The following LRRIQ1 variants were observed in gnomAD, a reference collection of about 807,000 sequenced individuals.
LRRIQ1 encodes the protein leucine rich repeats and IQ motif containing 1.
A neutral mutation model predicts 211.9 loss-of-function variants in LRRIQ1; 210 were observed. The ratio of observed to expected loss-of-function variants is 0.99; its 90% CI spans 0.89 to 1.11. The LOEUF is 1.11. LRRIQ1 is among the 50% of genes most tolerant of loss of function. LRRIQ1 has a pLI of 0.00. For synonymous variants in LRRIQ1, 699 were observed against 650.1 expected (o/e 1.08, Z -1.14); for missense variants, 2,136 against 1,939.5 (o/e 1.10, Z -1.90).
chr12:85,121,872 A>AAAGGG lies in LRRIQ1; in HGVS notation c.3554_3557+1dup. 2 of 1,600,438 alleles carry AAAGGG rather than the reference A, an allele frequency of 1.2e-6. No homozygotes were observed. The highest frequency in any genetic ancestry group is 1.7e-6 in the Non-Finnish European group (2 of 1,173,788). ...GCTAATTGAAAATTATATAACTGGA[A>AAAGGG]AAGGGTAAGATTGTGATCTTCCCAT... On this transcript the variant is annotated frameshift_variant, in exon 16 of 27. Transcript: ENST00000393217. LOFTEE classifies it high-confidence loss of function.
intron 26 of LRRIQ1, among the ~76,000 whole-genome samples, chr12:85,242,499 G>A (rs6539885): frequency 0.16 from 24,042 of 151,778 alleles, 4,429 homozygotes; most frequent in African/African-American, 0.45. Flanking sequence ...AGGGACATGA[G>A]CATCCATGGA....
chr12:85,175,196 G>A (rs1419783241), intron 24 of LRRIQ1, among the ~76,000 whole-genome samples: 1 of 152,064 alleles, frequency 6.6e-6, no homozygotes, highest in Non-Finnish European at 1.5e-5. Flanking sequence ...CACTGAAGTG[G>A]TAAACCAATA....
chr12:85,104,860 A>G (rs1886656655), intron 14 of LRRIQ1, among the ~76,000 whole-genome samples: 2 of 152,048 alleles, frequency 1.3e-5, no homozygotes, highest in Non-Finnish European at 1.5e-5. Flanking sequence ...AGAAACTGAC[A>G]TACTATTTTC....
At chr12:85,071,255 C>T (rs1883053836) in intron 10 of LRRIQ1, among the ~76,000 whole-genome samples, 1 of 151,838 alleles carries the variant, frequency 6.6e-6, no homozygotes. Context: ...TATATATGCA[C>T]GTATCTAAGG....
Position 85,056,378 on chromosome 12 carries a change from G to T in LRRIQ1, c.1585G>T (p.Glu529Ter). Residue 529 changes from glutamate to a stop codon, truncating the protein, a stop_gained, in exon 8 of 27, where the codon GAA becomes TAA. Coordinates refer to ENST00000393217, the MANE Select transcript of LRRIQ1 (RefSeq NM_001079910.2). LOFTEE classifies it high-confidence loss of function. ...TCTGAAAGAACAGTTTCCATTGCAA[G>T]AATTAAAGTCTGATGCACAAAAAGA... The part of the protein sequence containing the change: ...GNLKEQFPLQ[E>*]LKSDAQKEEK... 6.3e-7 allele frequency: 1 copy of T among 1,590,174 alleles called. No homozygotes were observed. Among genetic ancestry groups the T allele is most frequent in the Non-Finnish European group, 8.5e-7 (1 of 1,173,730 alleles).
rs576225670 is a variant in LRRIQ1 at position 85,085,059 on chromosome 12, A to G, written c.2887+11961A>G. Among the ~76,000 whole-genome samples, 3 of 152,264 alleles carry G rather than the reference A, an allele frequency of 2.0e-5. No individual in the cohort carries two copies. The South Asian group carries it at 6.2e-4, about 32-fold the overall frequency. On this transcript the variant is annotated intron_variant, in intron 11 of 26. Transcript: ENST00000393217. The stretch of plus-strand genomic sequence containing the variant: ...TGGTTGTAACATTTATTCTCAGACA[A>G]TTTTCCTACAGATAATTTACTAAGA...
the LRRIQ1 span, among the ~76,000 whole-genome samples, chr12:85,272,257 A>G: frequency 1.3e-5 from 2 of 152,220 alleles, no homozygotes; most frequent in African/African-American, 4.8e-5. Flanking sequence ...TAAGCTAAAT[A>G]TTCAAAGTTT....
intron 25 of LRRIQ1, among the ~76,000 whole-genome samples, 157 bp downstream of exon 25, chr12:85,229,806 T>G (rs1344034215): frequency 6.6e-6 from 1 of 152,194 alleles, no homozygotes; most frequent in African/African-American, 2.4e-5. Context: ...AGAATAGATT[T>G]AATTACTCCT....
intron 24 of LRRIQ1, among the ~76,000 whole-genome samples, chr12:85,180,990 A>G (rs1039919614): frequency 5.3e-5 from 8 of 151,854 alleles, no homozygotes; most frequent in African/African-American, 1.4e-4. Context: ...GATCTATTCT[A>G]CTCTAAATTT....
chr12:85,118,129 T>C (rs2136399013), intron 15 of LRRIQ1, among the ~76,000 whole-genome samples: 1 of 152,276 alleles, frequency 6.6e-6, no homozygotes, highest in Admixed American at 6.5e-5. Flanking sequence ...AACATAACAT[T>C]CTGCCTTTGA....
intron 11 of LRRIQ1, among the ~76,000 whole-genome samples, chr12:85,092,844 G>T (rs1240926731): frequency 6.6e-6 from 1 of 152,198 alleles, no homozygotes; most frequent in East Asian, 1.9e-4. Flanking sequence ...CTAAAGCAAA[G>T]AAGTCCTTTG....
chr12:85,113,791 AT>A (rs1887356367), intron 15 of LRRIQ1, among the ~76,000 whole-genome samples: 8 of 152,192 alleles, frequency 5.3e-5, no homozygotes, highest in Admixed American at 1.3e-4. Flanking sequence ...TGTAGTATTT[AT>A]CACATTCCCC....
intron 19 of LRRIQ1, 143 bp from the exon 20 acceptor site, chr12:85,152,137 C>T: frequency 1.6e-6 from 1 of 609,186 alleles, no homozygotes; most frequent in Non-Finnish European, 2.7e-6. Context: ...TGAATATCAT[C>T]TCACAATAGT....
At chr12:85,091,002 A>G (rs544035135) in intron 11 of LRRIQ1, among the ~76,000 whole-genome samples, 3 of 152,072 alleles carry the variant, frequency 2.0e-5, no homozygotes, top group Non-Finnish European at 2.9e-5. Flanking sequence ...TGATAGCTTG[A>G]TGCTGTCTTT....
intron 24 of LRRIQ1, among the ~76,000 whole-genome samples, chr12:85,171,478 C>T (rs926334903): frequency 6.6e-6 from 1 of 151,944 alleles, no homozygotes; most frequent in African/African-American, 2.4e-5. Context: ...TTGCTAAAAT[C>T]GAAGACAAAG....
In LRRIQ1 at chr12:85,244,756, A is replaced by G; in HGVS notation, c.5017-33A>G. On this transcript the variant is annotated intron_variant, in intron 26 of 26. Coordinates refer to ENST00000393217, the MANE Select transcript of LRRIQ1 (RefSeq NM_001079910.2). Reference sequence around the variant, plus strand: ...TTCAGAAAATGCCATATTTTGTTTCATGATTGTATACATTCTCTTCCATTG... The same window carrying G: ...TTCAGAAAATGCCATATTTTGTTTCGTGATTGTATACATTCTCTTCCATTG... 1.9e-6 allele frequency: 3 copies of G among 1,589,088 alleles called. No individual in the cohort carries two copies. In the South Asian group the frequency reaches 3.4e-5, roughly 18 times the overall value.
At chr12:85,048,486 G>A (rs533593846) in intron 6 of LRRIQ1, 1 of 151,450 alleles carries the variant, frequency 6.6e-6, no homozygotes, top group East Asian at 2.0e-4. Context: ...GTGAACCCGG[G>A]AGGCAGACCT....
At chr12:85,083,334 G>A (rs547943298) in intron 11 of LRRIQ1, among the ~76,000 whole-genome samples, 1 of 152,100 alleles carries the variant, frequency 6.6e-6, no homozygotes, top group South Asian at 2.1e-4. Context: ...CAGCTCTTTT[G>A]GAAATATTCT....
chr12:85,213,842 A>G (rs1031412996), intron 24 of LRRIQ1, among the ~76,000 whole-genome samples: 4 of 152,014 alleles, frequency 2.6e-5, no homozygotes, highest in African/African-American at 9.7e-5. Flanking sequence ...TATCAATAAG[A>G]CCAAAATTGT....
Sources: allele counts gnomAD v4.1 joint callset (sites outside exome capture counted in the v4.1 genomes callset), GRCh38; gene constraint gnomAD v4.1.1; transcripts MANE v1.5; gene names NCBI Gene and HGNC (gene_info 2026-07-23, HGNC 2026-07-21).